The following WDR70 variants were observed in gnomAD, a reference collection of about 807,000 sequenced individuals.
The protein encoded by WDR70 is WD repeat-containing protein 70.
A neutral mutation model predicts 88.6 loss-of-function variants in WDR70; 53 were observed. The observed-to-expected ratio is 0.60, with a 90% CI of 0.48 to 0.75. WDR70 has a LOEUF of 0.75. Ranked by LOEUF, WDR70 falls within the 30% of genes least tolerant of loss-of-function variation. WDR70 has a pLI of 0.00. For synonymous variants in WDR70, 280 were observed against 270.0 expected, an observed-to-expected ratio of 1.04 and a Z score of -0.36; for missense variants, 610 against 823.2, an observed-to-expected ratio of 0.74 and a Z score of 3.17.
At chr5:37,449,600 AAAATAAAAAAT>A (rs201756121) in intron 7 of WDR70, among the ~76,000 whole-genome samples, 5,648 of 43,410 alleles carry the variant, frequency 0.13, 235 homozygotes, top group South Asian at 0.35. Context: ...CAAAAAAAAA[AAAATAAAAAAT>A]AAAAAATAAA....
At position 37,697,756 on chromosome 5, in the gene WDR70, T is replaced by C; in HGVS notation, c.1192+2T>C. ...GTAATGTCCTTGCCTCTCGTGGAGG[T>C]AGGTTAAAAGCTTTCTTTTTGATGT... is the stretch of plus-strand genomic sequence containing the variant. On this transcript the variant is annotated splice_donor_variant, in intron 11 of 17. Coordinates refer to ENST00000265107, the MANE Select transcript of WDR70 (RefSeq NM_018034.4). LOFTEE classifies it high-confidence loss of function. 2.5e-6 allele frequency: 4 copies of C among 1,610,738 alleles called. No individual in the cohort carries two copies. The South Asian group carries it at 3.3e-5, about 13-fold the overall frequency.
chr5:37,725,227 G>A (rs182281048), intron 16 of WDR70, among the ~76,000 whole-genome samples, 177 bp downstream of exon 16: 2 of 152,242 alleles, frequency 1.3e-5, no homozygotes, highest in African/African-American at 4.8e-5. Flanking sequence ...GAATCCAGAT[G>A]TATAAAGCTG....
rs371680671 is a variant in WDR70, at chr5:37,706,639, G to A, written c.1416+3552G>A. On this transcript the variant is annotated intron_variant, in intron 13 of 17. Coordinates refer to ENST00000265107, the MANE Select transcript of WDR70 (RefSeq NM_018034.4). ...GGCCTCCCCAGCCATGTGGAACTGC[G>A]AGTCAATTAAACCTCTTTCCTTTAT... Among the ~76,000 whole-genome samples the A allele has an allele frequency of 3.0e-4, 45 of 152,046 alleles. 2 individuals carry two copies. In the South Asian group the frequency reaches 9.1e-3, roughly 31 times the overall value.
chr5:37,735,932 AAG>A (rs1423349389), intron 17 of WDR70, among the ~76,000 whole-genome samples: 1 of 152,134 alleles, frequency 6.6e-6, no homozygotes, highest in East Asian at 1.9e-4. Flanking sequence ...GATGATAACA[AAG>A]AGTCTTTAAA....
chr5:37,550,008 T>A (rs988971661), intron 9 of WDR70, among the ~76,000 whole-genome samples: 2 of 152,062 alleles, frequency 1.3e-5, no homozygotes, highest in Non-Finnish European at 2.9e-5. Flanking sequence ...TTTACAGGCA[T>A]GTGTCACAAT....
chr5:37,380,942 T>C (rs1281339131), intron 2 of WDR70, among the ~76,000 whole-genome samples: 1 of 152,188 alleles, frequency 6.6e-6, no homozygotes, highest in Non-Finnish European at 1.5e-5. Context: ...CCACCCGGTA[T>C]AAATCCTTCA....
At chr5:37,434,579 T>C (rs538598187) in intron 5 of WDR70, among the ~76,000 whole-genome samples, 5 of 152,336 alleles carry the variant, frequency 3.3e-5, no homozygotes, top group Admixed American at 6.5e-5. Context: ...TATAGTTGTA[T>C]GTGACCTTAG....
intron 17 of WDR70, among the ~76,000 whole-genome samples, chr5:37,749,264 A>C (rs372058565): frequency 6.6e-6 from 1 of 152,244 alleles, no homozygotes; most frequent in Non-Finnish European, 1.5e-5. Flanking sequence ...GTGGAATACT[A>C]TACAGTCATA....
At chr5:37,389,300 A>C (rs561234336) in intron 3 of WDR70, among the ~76,000 whole-genome samples, 5 of 119,338 alleles carry the variant, frequency 4.2e-5, no homozygotes, top group South Asian at 4.3e-4. Flanking sequence ...ACCTGTCGAG[A>C]CCAGGCTGGT....
chr5:37,688,898 A>C (rs1228322486), intron 10 of WDR70, among the ~76,000 whole-genome samples: 1 of 152,076 alleles, frequency 6.6e-6, no homozygotes, highest in East Asian at 1.9e-4. Context: ...TCACCTGGGA[A>C]GCGCAAGGGG....
chr5:37,588,184 A>C lies in WDR70; in HGVS notation c.918-16880A>C, dbSNP rs188892964. Among the ~76,000 whole-genome samples the C allele has an allele frequency of 9.8e-4, 150 of 152,300 alleles. 1 individual carries two copies. The Middle Eastern group carries it at 0.014, about 14-fold the overall frequency. ...TAGAATTTTAATTTGTCAAAGACTTATTTGTACAAAACTATGCTAGATATT... is the reference window on the plus strand; with the variant it reads ...TAGAATTTTAATTTGTCAAAGACTTCTTTGTACAAAACTATGCTAGATATT... On this transcript the variant is annotated intron_variant, in intron 9 of 17. Coordinates refer to ENST00000265107, the MANE Select transcript of WDR70 (RefSeq NM_018034.4).
intron 10 of WDR70, among the ~76,000 whole-genome samples, chr5:37,613,174 A>C (rs1047880555): frequency 1.3e-5 from 2 of 152,188 alleles, no homozygotes; most frequent in Non-Finnish European, 2.9e-5. Context: ...GTTTTTTAAA[A>C]ATATGGATGA....
At chr5:37,702,912 T>G in intron 12 of WDR70, 37 bp from the exon 13 acceptor site, 1 of 1,584,784 alleles carries the variant, frequency 6.3e-7, no homozygotes, top group Non-Finnish European at 8.6e-7. Context: ...GTTGTGGAGG[T>G]CATAAGCTTA....
Position 37,516,552 on chromosome 5 carries a change from CA to C in WDR70, c.883del (p.Ile295Ter). Reference sequence around the variant, plus strand: ...TGCTTCATACTGGCTCATGGCATCCCAAAATAAAGGGAGAATTTATGACTTG... The same window carrying C: ...TGCTTCATACTGGCTCATGGCATCCCAAATAAAGGGAGAATTTATGACTTG... ...AMLHTGSWHPKIKGEFMTCSN... is the reference protein window; with the variant it reads ...AMLHTGSWHPXIKGEFMTCSN... On this transcript the variant is annotated frameshift_variant, in exon 9 of 18. Coordinates refer to ENST00000265107, the MANE Select transcript of WDR70 (RefSeq NM_018034.4). LOFTEE classifies it high-confidence loss of function. The C allele has an allele frequency of 1.9e-6, 3 of 1,605,652 alleles. No individual in the cohort carries two copies. The highest frequency in any genetic ancestry group is 1.1e-5 in the South Asian group (1 of 89,838).
chr5:37,461,849 A>G (rs1002044779), intron 7 of WDR70, among the ~76,000 whole-genome samples: 25 of 152,038 alleles, frequency 1.6e-4, no homozygotes, highest in African/African-American at 6.0e-4. Flanking sequence ...TTAACCCTAT[A>G]TTGTCTCTTC....
At chr5:37,562,274 T>G (rs1742529681) in intron 9 of WDR70, among the ~76,000 whole-genome samples, 1 of 152,140 alleles carries the variant, frequency 6.6e-6, no homozygotes, top group Non-Finnish European at 1.5e-5. Context: ...CAAAAATTGC[T>G]TGAACCGGGA....
chr5:37,722,985 T>C, intron 15 of WDR70, 51 bp downstream of exon 15: 2 of 1,594,296 alleles, frequency 1.3e-6, no homozygotes, highest in Non-Finnish European at 1.7e-6. Flanking sequence ...TACTCTCATG[T>C]GGTTTTGATT....
intron 8 of WDR70, among the ~76,000 whole-genome samples, chr5:37,484,303 G>A (rs1381560981): frequency 4.6e-5 from 7 of 152,332 alleles, no homozygotes; most frequent in East Asian, 1.9e-4. Context: ...CTGCAATCCC[G>A]GCACCTCGGG....
At chr5:37,657,884 A>G (rs972991777) in intron 10 of WDR70, among the ~76,000 whole-genome samples, 9 of 152,210 alleles carry the variant, frequency 5.9e-5, no homozygotes, top group African/African-American at 1.4e-4. Flanking sequence ...TGACTCCTAC[A>G]TAATAAAAAA....
Sources: gnomAD v4.1 joint callset for allele counts (sites outside exome capture counted in the v4.1 genomes callset) on GRCh38, gnomAD v4.1.1 for gene constraint, MANE v1.5 for transcripts, NCBI Gene and HGNC (gene_info 2026-07-23, HGNC 2026-07-21) for gene names.